Variants in IDO2 observed in about 807,000 individuals in gnomAD.
The protein encoded by IDO2 is indoleamine 2,3-dioxygenase 2.
A neutral mutation model predicts 45.1 loss-of-function variants in IDO2; 46 were observed. The ratio of observed to expected loss-of-function variants is 1.02; its 90% CI spans 0.80 to 1.30. The LOEUF is 1.30. IDO2 is among the 50% of genes most tolerant of loss of function. The pLI, the probability that IDO2 is intolerant of heterozygous loss-of-function variation, is 0.00. For synonymous variants in IDO2, 218 were observed against 184.9 expected (o/e 1.18, Z -1.45); for missense variants, 544 against 491.8 (o/e 1.11, Z -1.00).
chr8:40,015,545 C>T, exon 11 of IDO2: 1 of 1,613,964 alleles, frequency 6.2e-7, no homozygotes, highest in South Asian at 1.1e-5. Flanking sequence ...CAGTTATGAG[C>T]TTTCTTAAGA....
intron 4 of IDO2, among the ~76,000 whole-genome samples, chr8:39,979,998 T>A (rs945176764): frequency 6.6e-6 from 1 of 152,156 alleles, no homozygotes; most frequent in African/African-American, 2.4e-5. Context: ...ATGTTAAAAA[T>A]TTTTTGTAGA....
intron 3 of IDO2, among the ~76,000 whole-genome samples, chr8:39,978,656 T>C (rs1808297384): frequency 6.6e-6 from 1 of 152,094 alleles, no homozygotes. Context: ...GGGTCAGCGA[T>C]AGCAAGCAGG....
chr8:39,985,150 C>A (rs914892037), intron 5 of IDO2: 1 of 319,890 alleles, frequency 3.1e-6, no homozygotes, highest in East Asian at 8.1e-5. Context: ...AGTCTGGTAT[C>A]GAATCCTCGA....
intron 2 of IDO2, among the ~76,000 whole-genome samples, chr8:39,954,594 T>C (rs1290937551): frequency 1.3e-5 from 2 of 151,826 alleles, no homozygotes; most frequent in Admixed American, 6.6e-5. Flanking sequence ...TCCTTATTAT[T>C]GTGTCCTCAC....
At chr8:39,955,324 G>A (rs936086843) in intron 2 of IDO2, among the ~76,000 whole-genome samples, 1 of 136,094 alleles carries the variant, frequency 7.3e-6, no homozygotes, top group South Asian at 2.3e-4. Flanking sequence ...GCACGTTCTT[G>A]GCTCACTGAA....
In IDO2 at chr8:40,005,321, C is replaced by T. The variant is rs1458606209; in HGVS notation, c.668-6C>T. The T allele has an allele frequency of 1.3e-6, 2 of 1,567,760 alleles. No homozygotes were observed. The highest frequency in any genetic ancestry group is 1.3e-5 in the African/African-American group (1 of 74,406). ...AGTAAAGTTCACATTTTGATTGCTT[C>T]TCCAGATTATGTAGATCCAGACATA... On this transcript the variant is annotated splice_polypyrimidine_tract_variant and splice_region_variant and intron_variant, in intron 8 of 10. Coordinates refer to ENST00000502986, the Ensembl canonical transcript of IDO2.
chr8:39,980,776 T>G (rs1266877725), intron 4 of IDO2, among the ~76,000 whole-genome samples: 1 of 152,064 alleles, frequency 6.6e-6, no homozygotes, highest in Admixed American at 6.6e-5. Flanking sequence ...TGATACAGAG[T>G]TTCACTCTTG....
intron 9 of IDO2, 60 bp downstream of exon 9, chr8:40,005,438 A>T: frequency 9.0e-7 from 1 of 1,112,556 alleles, no homozygotes; most frequent in Admixed American, 2.4e-5. Flanking sequence ...TGAATGTATA[A>T]GGGGACGAAG....
At chr8:39,986,671 GAGAT>G (rs56228406) in intron 6 of IDO2, among the ~76,000 whole-genome samples, 11,840 of 143,580 alleles carry the variant, frequency 0.082, 458 homozygotes, top group Middle Eastern at 0.12. Flanking sequence ...GTACAGCATT[GAGAT>G]AGATAGATAG....
chr8:40,000,988 AT>A (rs1287240295), intron 8 of IDO2, among the ~76,000 whole-genome samples: 1 of 151,978 alleles, frequency 6.6e-6, no homozygotes, highest in Admixed American at 6.6e-5. Flanking sequence ...TTCTTTTTAA[AT>A]TTTTAAAAAA....
intron 8 of IDO2, among the ~76,000 whole-genome samples, chr8:39,996,084 A>C (rs922251794): frequency 6.6e-6 from 1 of 151,078 alleles, no homozygotes; most frequent in Non-Finnish European, 1.5e-5. Flanking sequence ...AAAAAAAAAA[A>C]AAAAGAAAAG....
chr8:40,009,501 C>A (rs1388231415), intron 9 of IDO2, among the ~76,000 whole-genome samples: 5 of 150,182 alleles, frequency 3.3e-5, no homozygotes, highest in African/African-American at 1.2e-4. Context: ...CTTGGGGTTG[C>A]TAGAAAGTTG....
intron 4 of IDO2, among the ~76,000 whole-genome samples, chr8:39,980,719 C>G (rs748695459): frequency 2.0e-4 from 30 of 152,124 alleles, no homozygotes; most frequent in East Asian, 1.4e-3. Context: ...GTCATTGCAG[C>G]CTTGTTATTT....
intron 8 of IDO2, among the ~76,000 whole-genome samples, chr8:39,997,369 A>G (rs1361415890): frequency 1.3e-5 from 2 of 149,272 alleles, no homozygotes; most frequent in African/African-American, 5.0e-5. Context: ...TTTAAAATCC[A>G]AAGTAAAAAA....
intron 1 of IDO2, among the ~76,000 whole-genome samples, chr8:39,939,975 C>T (rs2095519022): frequency 6.6e-6 from 1 of 152,132 alleles, no homozygotes; most frequent in African/African-American, 2.4e-5. Flanking sequence ...AGCCCTAATA[C>T]CCCGACTGAT....
intron 2 of IDO2, among the ~76,000 whole-genome samples, chr8:39,952,024 T>C (rs970890578): frequency 3.9e-5 from 6 of 152,276 alleles, no homozygotes; most frequent in Admixed American, 6.5e-5. Context: ...TACTGTGTTA[T>C]GTTCATTTTC....
intron 1 of IDO2, among the ~76,000 whole-genome samples, chr8:39,938,848 G>A (rs1807596542): frequency 6.6e-6 from 1 of 152,180 alleles, no homozygotes; most frequent in African/African-American, 2.4e-5. Flanking sequence ...TACATCATAT[G>A]CCATTAGGAA....
chr8:40,010,443 C>T (rs914591786), intron 9 of IDO2, among the ~76,000 whole-genome samples: 1 of 152,174 alleles, frequency 6.6e-6, no homozygotes, highest in East Asian at 1.9e-4. Flanking sequence ...AACACGGACA[C>T]GTTTTGAAAA....
intron 8 of IDO2, among the ~76,000 whole-genome samples, chr8:39,995,730 A>C (rs959961024): frequency 6.6e-6 from 1 of 152,242 alleles, no homozygotes; most frequent in Non-Finnish European, 1.5e-5. Context: ...CCAGTATTAT[A>C]ATAATCTTTG....
Sources: allele counts gnomAD v4.1 joint callset (sites outside exome capture counted in the v4.1 genomes callset), GRCh38; gene constraint gnomAD v4.1.1; transcripts MANE v1.5; gene names NCBI Gene and HGNC (gene_info 2026-07-23, HGNC 2026-07-21).